Variants in CEP112 observed in about 807,000 individuals in gnomAD.
CEP112 encodes centrosomal protein of 112 kDa.
A neutral mutation model predicts 153.0 loss-of-function variants in CEP112; 127 were observed. The observed-to-expected ratio is 0.83, with a 90% CI of 0.72 to 0.96. The LOEUF (loss-of-function observed/expected upper bound fraction) is 0.96, where lower values mean the gene tolerates loss of function less well. CEP112 is among the 40% of genes least tolerant of loss of function. The pLI is 0.00. For synonymous variants in CEP112, 358 were observed against 374.4 expected, an observed-to-expected ratio of 0.96 and a Z score of 0.51; for missense variants, 1,089 against 1,101.2, an observed-to-expected ratio of 0.99 and a Z score of 0.16.
At chr17:65,821,734 T>G (rs1014283311) in intron 21 of CEP112, among the ~76,000 whole-genome samples, 6 of 150,406 alleles carry the variant, frequency 4.0e-5, no homozygotes. Context: ...GCATTTTTAG[T>G]AGAGATGAGG....
At chr17:66,107,105 T>C (rs1347814289) in intron 6 of CEP112, among the ~76,000 whole-genome samples, 2 of 152,114 alleles carry the variant, frequency 1.3e-5, no homozygotes, top group Non-Finnish European at 2.9e-5. Context: ...CCCTTCATGA[T>C]AAAAACCTTG....
chr17:65,902,098 C>T (rs2059887433), intron 20 of CEP112, 54 bp downstream of exon 20: 3 of 1,349,590 alleles, frequency 2.2e-6, no homozygotes, highest in Middle Eastern at 3.7e-4. Context: ...ACATTAAACG[C>T]TGATGACTTT....
chr17:66,039,229 T>TAC (rs2065871065), intron 12 of CEP112, among the ~76,000 whole-genome samples: 1 of 152,164 alleles, frequency 6.6e-6, no homozygotes, highest in Non-Finnish European at 1.5e-5. Flanking sequence ...TCTCATGGTC[T>TAC]TTTCATCGTA....
At chr17:65,974,172 G>C (rs1177139514) in intron 17 of CEP112, among the ~76,000 whole-genome samples, 1 of 151,818 alleles carries the variant, frequency 6.6e-6, no homozygotes, top group African/African-American at 2.4e-5. Context: ...AGCCTCCCCA[G>C]CTCAAGCAAT....
At chr17:66,103,093 C>T (rs182474135) in intron 6 of CEP112, among the ~76,000 whole-genome samples, 42 of 151,934 alleles carry the variant, frequency 2.8e-4, no homozygotes, top group African/African-American at 9.6e-4. Flanking sequence ...GGCATGGTGG[C>T]GTACGCCTGT....
At chr17:65,877,970 T>C (rs2058897519) in intron 20 of CEP112, among the ~76,000 whole-genome samples, 2 of 152,172 alleles carry the variant, frequency 1.3e-5, no homozygotes, top group South Asian at 2.1e-4. Context: ...ATGCCACTTA[T>C]ATGTGGACTC....
intron 21 of CEP112, among the ~76,000 whole-genome samples, chr17:65,833,444 C>A (rs1021423497): frequency 6.6e-6 from 1 of 152,098 alleles, no homozygotes; most frequent in Non-Finnish European, 1.5e-5. Flanking sequence ...GATTCTATAT[C>A]TAGAAAACCC....
intron 23 of CEP112, among the ~76,000 whole-genome samples, chr17:65,702,822 G>A (rs2048708150): frequency 3.3e-5 from 5 of 152,142 alleles, no homozygotes; most frequent in Admixed American, 2.6e-4. Context: ...GAGACAGAAT[G>A]TGTAAGGGAA....
At chr17:65,846,802 C>G (rs1449162767) in intron 21 of CEP112, among the ~76,000 whole-genome samples, 2 of 152,136 alleles carry the variant, frequency 1.3e-5, no homozygotes, top group African/African-American at 4.8e-5. Flanking sequence ...ATCTCCTGAC[C>G]TTGTGATTCG....
chr17:65,672,555 C>T (rs917519483), intron 24 of CEP112, among the ~76,000 whole-genome samples: 5 of 152,144 alleles, frequency 3.3e-5, no homozygotes, highest in African/African-American at 1.2e-4. Context: ...GCTTGTAATA[C>T]CTGATTGAAT....
chr17:66,179,999 C>A (rs1156330829), intron 2 of CEP112, among the ~76,000 whole-genome samples: 1 of 152,104 alleles, frequency 6.6e-6, no homozygotes, highest in Non-Finnish European at 1.5e-5. Flanking sequence ...GATTGATTTG[C>A]ATCTGTTGAA....
chr17:65,994,779 T>C (rs1034773308), intron 17 of CEP112, among the ~76,000 whole-genome samples: 5 of 152,080 alleles, frequency 3.3e-5, no homozygotes, highest in South Asian at 4.2e-4. Context: ...AAAAGAACAT[T>C]CCAGTTTCAA....
chr17:65,792,221 A>G (rs1459348674), intron 21 of CEP112, among the ~76,000 whole-genome samples: 1 of 152,212 alleles, frequency 6.6e-6, no homozygotes, highest in Non-Finnish European at 1.5e-5. Flanking sequence ...ATATCTCTAT[A>G]TGACAGCACA....
chr17:65,988,988 G>A (rs553745724), intron 17 of CEP112, among the ~76,000 whole-genome samples: 18 of 152,176 alleles, frequency 1.2e-4, no homozygotes, highest in African/African-American at 3.9e-4. Context: ...ACTTTGGGAC[G>A]CTGAGGCGGG....
intron 21 of CEP112, among the ~76,000 whole-genome samples, chr17:65,753,105 T>G (rs1280705737): frequency 6.6e-6 from 1 of 152,210 alleles, no homozygotes; most frequent in East Asian, 1.9e-4. Flanking sequence ...GTGAGTTCTG[T>G]CCACTACCTT....
intron 4 of CEP112, among the ~76,000 whole-genome samples, chr17:66,163,018 T>A (rs1056341530): frequency 1.3e-5 from 2 of 152,168 alleles, no homozygotes; most frequent in Admixed American, 1.3e-4. Context: ...ATATACAGTA[T>A]GATTCCACTT....
chr17:66,005,037 C>A (rs2064215517), intron 17 of CEP112, among the ~76,000 whole-genome samples: 1 of 152,152 alleles, frequency 6.6e-6, no homozygotes, highest in Non-Finnish European at 1.5e-5. Context: ...ATGTACTGAA[C>A]ATTGGCTGAC....
intron 20 of CEP112, among the ~76,000 whole-genome samples, chr17:65,870,830 A>G (rs2058649948): frequency 6.6e-6 from 1 of 152,242 alleles, no homozygotes; most frequent in African/African-American, 2.4e-5. Context: ...GAAGAAGAAT[A>G]AAATTCAGGC....
At chr17:65,826,498 G>A (rs1482411884) in intron 21 of CEP112, 9 of 1,425,704 alleles carry the variant, frequency 6.3e-6, no homozygotes, top group African/African-American at 5.8e-5. Context: ...GTGAGATAGT[G>A]ACATCACAAC....
Sources: gnomAD v4.1 joint callset for allele counts (sites outside exome capture counted in the v4.1 genomes callset) on GRCh38, gnomAD v4.1.1 for gene constraint, MANE v1.5 for transcripts, NCBI Gene and HGNC (gene_info 2026-07-23, HGNC 2026-07-21) for gene names.